Variants in OR2L2 observed in about 807,000 individuals in gnomAD.
OR2L2 encodes the protein olfactory receptor 2L2.
For missense variants in OR2L2, 378 were observed against 375.2 expected, an observed-to-expected ratio of 1.01 and a Z score of -0.06; for synonymous variants, 156 against 135.4, an observed-to-expected ratio of 1.15 and a Z score of -1.06.
At chr1:248,031,075 G>T (rs904080808) in intron 1 of OR2L2, among the ~76,000 whole-genome samples, 1 of 152,060 alleles carries the variant, frequency 6.6e-6, no homozygotes, top group Non-Finnish European at 1.5e-5. Context: ...TTGCTATTTT[G>T]GTGGATAAAA....
chr1:248,035,278 G>T (rs1399185474), intron 1 of OR2L2, among the ~76,000 whole-genome samples: 1 of 151,854 alleles, frequency 6.6e-6, no homozygotes, highest in Admixed American at 6.6e-5. Flanking sequence ...GTGAAACCCC[G>T]TCTCTACTAA....
At chr1:248,032,272 T>C (rs898891245) in intron 1 of OR2L2, among the ~76,000 whole-genome samples, 12 of 152,146 alleles carry the variant, frequency 7.9e-5, no homozygotes, top group Admixed American at 5.9e-4. Context: ...TATGGAATAA[T>C]TTCAGTATAT....
At position 248,039,226 on chromosome 1, in the gene OR2L2, G is replaced by A. The variant is rs767692624; in HGVS notation, c.*20G>A. 1.3e-6 allele frequency: 2 copies of A among 1,585,018 alleles called. No individual in the cohort carries two copies. Among genetic ancestry groups the A allele is most frequent in the African/African-American group, 1.3e-5 (1 of 74,290 alleles). On this transcript the variant is annotated 3_prime_UTR_variant, in exon 3 of 3. Transcript: ENST00000641771. ...ATGTAGACATACGTTCTGTGTTAGA[G>A]TCAAAGCGCTAGGTTCATATCAACT...
Position 248,041,151 on chromosome 1 carries a change from CA to C in OR2L2, c.*1949del, listed in dbSNP as rs1261578823. 1 of 151,928 alleles carries C rather than the reference CA, an allele frequency of 6.6e-6. No individual in the cohort carries two copies. The highest frequency in any genetic ancestry group is 1.5e-5 in the Non-Finnish European group (1 of 67,988). The allele number at this position is 151,928 out of a possible 1,614,324, so 9.4% of individuals were successfully genotyped here. On this transcript the variant is annotated 3_prime_UTR_variant, in exon 3 of 3. Transcript: ENST00000641771. ...AACCAAAACAGCATGGTACTGGTAC[CA>C]AAACAGAAATATAGATCAATGCAAC...
In OR2L2 at chr1:248,038,395, C is replaced by G. The variant is rs1390315014; in HGVS notation, c.128C>G (p.Ser43Cys). 1.2e-6 allele frequency: 2 copies of G among 1,613,550 alleles called. No homozygotes were observed. Among genetic ancestry groups the G allele is most frequent in the Non-Finnish European group, 1.7e-6 (2 of 1,179,516 alleles). ...IFLMALIGNL[S>C]MILLIFLDIH... ...CTAATGGCTCTAATTGGAAATCTAT[C>G]CATGATTCTTCTCATCTTTTTGGAC... Residue 43 changes from serine (S) to cysteine (C), a missense_variant, in exon 3 of 3, where the codon TCC becomes TGC. Physicochemically the swap from Ser to Cys is moderately radical, Grantham distance 112 (BLOSUM62 -1). Transcript: ENST00000641771.
chr1:248,038,258 G>A lies in OR2L2; in HGVS notation c.-10G>A, dbSNP rs1344646745. The A allele has an allele frequency of 6.3e-7, 1 of 1,576,602 alleles. No homozygotes were observed. Among genetic ancestry groups the A allele is most frequent in the Non-Finnish European group, 8.7e-7 (1 of 1,151,820 alleles). On this transcript the variant is annotated 5_prime_UTR_variant, in exon 3 of 3. The change abolishes the stop of an existing upstream ORF in the 5' untranslated region. Coordinates refer to ENST00000641771, the MANE Select transcript of OR2L2 (RefSeq NM_001385855.1). ...TTGTCTCCCTTCAGGATGGATTGTA[G>A]GAATTCCCCATGGAAAATTACAATC...
Position 248,040,221 on chromosome 1 carries a change from T to G in OR2L2, c.*1015T>G, listed in dbSNP as rs1477249753. 6.6e-6 allele frequency: 1 copy of G among 152,256 alleles called. No individual in the cohort carries two copies. Among genetic ancestry groups the G allele is most frequent in the African/African-American group, 2.4e-5 (1 of 41,460 alleles). 9.4% of individuals were successfully genotyped at this position (152,256 alleles called of 1,614,324 possible). A position where few individuals can be genotyped will look rare whatever the true frequency, so the allele number is the denominator to read the frequency against. On this transcript the variant is annotated 3_prime_UTR_variant, in exon 3 of 3. Coordinates refer to ENST00000641771, the MANE Select transcript of OR2L2 (RefSeq NM_001385855.1). ...CTGCTTAGGCATGTGCTTAAAAGGA[T>G]CAACATTATTTCATAAAGGTTATCT...
intron 1 of OR2L2, among the ~76,000 whole-genome samples, chr1:248,031,584 A>G (rs957190039): frequency 2.0e-5 from 3 of 151,986 alleles, no homozygotes; most frequent in Non-Finnish European, 4.4e-5. Flanking sequence ...TTTCTATCCA[A>G]TGGTCTGGCT....
intron 1 of OR2L2, 44 bp downstream of exon 1, chr1:248,030,279 G>A (rs546914899): frequency 5.3e-5 from 8 of 152,130 alleles, no homozygotes; most frequent in African/African-American, 1.9e-4. Flanking sequence ...TGATCACAGC[G>A]AAGAAGGGAC....
intron 2 of OR2L2, among the ~76,000 whole-genome samples, chr1:248,037,543 C>A (rs188411215): frequency 2.3e-4 from 35 of 152,138 alleles, no homozygotes; most frequent in African/African-American, 8.4e-4. Flanking sequence ...GTATATATTT[C>A]TTAGAAAAAC....
chr1:248,036,370 A>G (rs1006198935), intron 2 of OR2L2, among the ~76,000 whole-genome samples: 4 of 152,162 alleles, frequency 2.6e-5, no homozygotes, highest in Non-Finnish European at 5.9e-5. Flanking sequence ...CCTTGCATAT[A>G]GCTAATGATA....
chr1:248,037,213 A>T (rs187158821), intron 2 of OR2L2, among the ~76,000 whole-genome samples: 2 of 152,326 alleles, frequency 1.3e-5, no homozygotes, highest in East Asian at 3.9e-4. Context: ...CCAAATAATG[A>T]TGTCTAACTT....
chr1:248,033,400 C>A (rs1355222462), intron 1 of OR2L2, among the ~76,000 whole-genome samples: 1 of 151,938 alleles, frequency 6.6e-6, no homozygotes, highest in African/African-American at 2.4e-5. Flanking sequence ...ATATGACAGT[C>A]TATTTCTTGA....
chr1:248,038,205 A>C (rs1032496763), intron 2 of OR2L2, 42 bp from the exon 3 acceptor site: 2 of 1,206,196 alleles, frequency 1.7e-6, no homozygotes, highest in African/African-American at 3.0e-5. Context: ...TGTGGATAAA[A>C]GTGAATTACT....
chr1:248,035,826 A>G (rs2103093156), intron 2 of OR2L2, among the ~76,000 whole-genome samples: 1 of 152,148 alleles, frequency 6.6e-6, no homozygotes, highest in East Asian at 1.9e-4. Flanking sequence ...CTGTCAACAT[A>G]ATTACATTCC....
chr1:248,042,178 A>C lies in OR2L2; in HGVS notation c.*2972A>C, dbSNP rs1411879194. On this transcript the variant is annotated 3_prime_UTR_variant, in exon 3 of 3. Coordinates refer to ENST00000641771, the MANE Select transcript of OR2L2 (RefSeq NM_001385855.1). ...CACCATGGAATACTATGCAGCCATA[A>C]AAGATGATGAGTTCATGTCCTTTGT... 3.3e-5 allele frequency: 5 copies of C among 152,184 alleles called. No homozygotes were observed. The highest frequency in any genetic ancestry group is 7.3e-5 in the Non-Finnish European group (5 of 68,042). 9.4% of individuals were successfully genotyped at this position (152,184 alleles called of 1,614,324 possible). A position where few individuals can be genotyped will look rare whatever the true frequency, so the allele number is the denominator to read the frequency against.
rs1253247430 is a variant in OR2L2 at position 248,042,076 on chromosome 1, T to C, written c.*2870T>C. On this transcript the variant is annotated 3_prime_UTR_variant, in exon 3 of 3. Transcript: ENST00000641771. Reference sequence around the variant, plus strand: ...CACACCTATGTTTATTGCGGCACTATTCACAATAGCAAAGACTTGGAACCA... The same window carrying C: ...CACACCTATGTTTATTGCGGCACTACTCACAATAGCAAAGACTTGGAACCA... The C allele has an allele frequency of 1.3e-5, 2 of 152,008 alleles. No homozygotes were observed. The highest frequency in any genetic ancestry group is 1.9e-4 in the East Asian group (1 of 5,174). The allele number at this position is 152,008 out of a possible 1,614,324, so 9.4% of individuals were successfully genotyped here.
rs1662920170 is a variant in OR2L2, at chr1:248,040,499, C to T, written c.*1293C>T. 1 of 152,334 alleles carries T rather than the reference C, an allele frequency of 6.6e-6. No individual in the cohort carries two copies. Among genetic ancestry groups the T allele is most frequent in the Non-Finnish European group, 1.5e-5 (1 of 68,148 alleles). 9.4% of individuals were successfully genotyped at this position (152,334 alleles called of 1,614,324 possible). A position where few individuals can be genotyped will look rare whatever the true frequency, so the allele number is the denominator to read the frequency against. ...CCACTCCTGAGACAACAAGTACAAC[C>T]TCTCCTCCTCTTCCTCCGCCTCAGC... is the stretch of plus-strand genomic sequence containing the variant. On this transcript the variant is annotated 3_prime_UTR_variant, in exon 3 of 3. Coordinates refer to ENST00000641771, the MANE Select transcript of OR2L2 (RefSeq NM_001385855.1).
At position 248,038,230 on chromosome 1, in the gene OR2L2, CT is replaced by C; in HGVS notation, c.-21-13del. On this transcript the variant is annotated splice_polypyrimidine_tract_variant and intron_variant, in intron 2 of 2. Coordinates refer to ENST00000641771, the MANE Select transcript of OR2L2 (RefSeq NM_001385855.1). ...AGTGAATTACTGTTCTTAATTTACC[CT>C]TTTGTCTCCCTTCAGGATGGATTGT... 2 of 1,404,268 alleles carry C rather than the reference CT, an allele frequency of 1.4e-6. No individual in the cohort carries two copies. The highest frequency in any genetic ancestry group is 2.0e-6 in the Non-Finnish European group (2 of 1,012,684). 87.0% of individuals were successfully genotyped at this position (1,404,268 alleles called of 1,614,324 possible).
Sources: gnomAD v4.1 joint callset for allele counts (sites outside exome capture counted in the v4.1 genomes callset) on GRCh38, gnomAD v4.1.1 for gene constraint, MANE v1.5 for transcripts, NCBI Gene and HGNC (gene_info 2026-07-23, HGNC 2026-07-21) for gene names.